ZNF420: variants seen among roughly 807,000 people sequenced by gnomAD.
ZNF420 encodes the protein zinc finger protein 420.
In ZNF420, 31 loss-of-function variants were observed where a neutral mutation model predicts 44.7. The ratio of observed to expected loss-of-function variants is 0.69; its 90% CI spans 0.52 to 0.94. ZNF420 has a LOEUF of 0.94. ZNF420 is among the 40% of genes least tolerant of loss of function. ZNF420 has a pLI of 0.00. For missense variants in ZNF420, 681 were observed against 827.9 expected (o/e 0.82, Z 2.18); for synonymous variants, 245 against 267.4 (o/e 0.92, Z 0.82).
At chr19:37,009,538 T>C (rs1347225056) in intron 1 of ZNF420, among the ~76,000 whole-genome samples, 2 of 152,190 alleles carry the variant, frequency 1.3e-5, no homozygotes, top group Non-Finnish European at 2.9e-5. Context: ...TTTGGTCACA[T>C]TGGCTCCACC....
chr19:37,088,705 T>C (rs1491002454), intron 2 of ZNF420, among the ~76,000 whole-genome samples: 4 of 152,238 alleles, frequency 2.6e-5, no homozygotes, highest in Non-Finnish European at 4.4e-5. Flanking sequence ...CATAAGCATT[T>C]AATTATTTGT....
chr19:37,095,663 A>G lies in ZNF420; in HGVS notation c.136+4542A>G, dbSNP rs1466544384. Among the ~76,000 whole-genome samples the G allele has an allele frequency of 2.6e-5, 4 of 151,902 alleles. No homozygotes were observed. In the East Asian group the frequency reaches 7.7e-4, roughly 29 times the overall value. ...GCCCAGGCTGTAGTGCAGTGGCGCA[A>G]TTTCGGCTCACTGCAACCTCCGCTT... On this transcript the variant is annotated intron_variant, in intron 4 of 4. Transcript: ENST00000337995.
chr19:37,038,777 A>C (rs537808749), intron 1 of ZNF420, among the ~76,000 whole-genome samples: 1 of 151,864 alleles, frequency 6.6e-6, no homozygotes, highest in Non-Finnish European at 1.5e-5. Flanking sequence ...ACATGGAGAA[A>C]CCCCGTCTCT....
intron 1 of ZNF420, among the ~76,000 whole-genome samples, chr19:37,014,998 C>T (rs373039465): frequency 1.2e-3 from 184 of 152,336 alleles, no homozygotes; most frequent in African/African-American, 4.3e-3. Flanking sequence ...GTCGTCCCCC[C>T]GGGATTTGGA....
chr19:37,065,308 AG>A (rs1213826821), intron 1 of ZNF420, among the ~76,000 whole-genome samples: 1 of 152,196 alleles, frequency 6.6e-6, no homozygotes, highest in Non-Finnish European at 1.5e-5. Context: ...AAAGGCCACA[AG>A]GGGTTTTAGA....
intron 1 of ZNF420, among the ~76,000 whole-genome samples, chr19:37,033,984 T>C (rs139854486): frequency 9.2e-4 from 140 of 152,294 alleles, no homozygotes; most frequent in African/African-American, 3.3e-3. Flanking sequence ...CTTGAACTCC[T>C]GACCTCGTGA....
intron 1 of ZNF420, among the ~76,000 whole-genome samples, chr19:37,027,624 C>G (rs1003599474): frequency 6.6e-6 from 1 of 152,170 alleles, no homozygotes; most frequent in Non-Finnish European, 1.5e-5. Flanking sequence ...TTTTATAATA[C>G]CATCTGCCTA....
At chr19:37,049,926 C>T (rs1223918062) in intron 1 of ZNF420, among the ~76,000 whole-genome samples, 1 of 152,188 alleles carries the variant, frequency 6.6e-6, no homozygotes, top group Non-Finnish European at 1.5e-5. Flanking sequence ...TTTCAGCTTT[C>T]TACATATGGC....
chr19:37,069,009 A>G (rs17206540), intron 1 of ZNF420, among the ~76,000 whole-genome samples: 77,501 of 149,764 alleles, frequency 0.52, 20,302 homozygotes, highest in African/African-American at 0.61. Flanking sequence ...GCGAGATATT[A>G]TACATAGTTC....
intron 1 of ZNF420, among the ~76,000 whole-genome samples, chr19:37,032,263 C>T (rs1967273007): frequency 6.6e-6 from 1 of 151,650 alleles, no homozygotes; most frequent in African/African-American, 2.4e-5. Flanking sequence ...CACTTGAAGG[C>T]AGAGGTTGCA....
chr19:37,057,710 G>A (rs1318611243), intron 1 of ZNF420, among the ~76,000 whole-genome samples: 3 of 151,962 alleles, frequency 2.0e-5, no homozygotes, highest in Non-Finnish European at 4.4e-5. Context: ...GAGATGCGTC[G>A]GTCCCGGAGC....
Position 37,130,212 on chromosome 19 carries a change from A to G in ZNF420, c.*1154A>G, listed in dbSNP as rs1255077617. ...GGGTGTTATGGATCATGGAGCAGAA[A>G]TACAGAAGGAGTCTGCAACCCTGAT... On this transcript the variant is annotated 3_prime_UTR_variant, in exon 5 of 5. Coordinates refer to ENST00000337995, the MANE Select transcript of ZNF420 (RefSeq NM_144689.5). 1 of 1,549,110 alleles carries G rather than the reference A, an allele frequency of 6.5e-7. No homozygotes were observed. The highest frequency in any genetic ancestry group is 8.7e-7 in the Non-Finnish European group (1 of 1,146,516).
chr19:37,066,654 A>C (rs2146448695), intron 1 of ZNF420, among the ~76,000 whole-genome samples: 1 of 152,348 alleles, frequency 6.6e-6, no homozygotes, highest in Non-Finnish European at 1.5e-5. Flanking sequence ...ATGTTGGCAA[A>C]GAGGTAGGGA....
chr19:37,033,421 A>T (rs1408490828), intron 1 of ZNF420, among the ~76,000 whole-genome samples: 1 of 152,198 alleles, frequency 6.6e-6, no homozygotes, highest in African/African-American at 2.4e-5. Flanking sequence ...TTCTATGAAT[A>T]TGACATGCTC....
chr19:37,058,776 C>T (rs1967806768), intron 1 of ZNF420, among the ~76,000 whole-genome samples: 1 of 152,176 alleles, frequency 6.6e-6, no homozygotes, highest in African/African-American at 2.4e-5. Flanking sequence ...GCACACTCAC[C>T]CAATCTGCTC....
intron 4 of ZNF420, among the ~76,000 whole-genome samples, chr19:37,115,620 A>G (rs547723366): frequency 3.3e-5 from 5 of 152,094 alleles, no homozygotes; most frequent in African/African-American, 9.6e-5. Context: ...TAAATAGAAC[A>G]TACAATTGGG....
At chr19:37,077,917 G>A (rs1442201258), upstream of ZNF420, among the ~76,000 whole-genome samples, 1 of 152,148 alleles carries the variant, frequency 6.6e-6, no homozygotes, top group Admixed American at 6.5e-5. Flanking sequence ...CCCCACAGCA[G>A]GAAGAATCAC....
intron 1 of ZNF420, among the ~76,000 whole-genome samples, chr19:37,027,489 C>T (rs369019563): frequency 1.2e-3 from 183 of 152,260 alleles, no homozygotes; most frequent in African/African-American, 4.3e-3. Flanking sequence ...TGGACTTTGA[C>T]AAATGCATGA....
chr19:37,021,876 G>A (rs965315079), intron 1 of ZNF420, among the ~76,000 whole-genome samples: 5 of 147,512 alleles, frequency 3.4e-5, no homozygotes, highest in African/African-American at 1.2e-4. Context: ...GGTGAAGGTT[G>A]TGGTGAGCCG....
Sources: allele counts gnomAD v4.1 joint callset (sites outside exome capture counted in the v4.1 genomes callset), GRCh38; gene constraint gnomAD v4.1.1; transcripts MANE v1.5; gene names NCBI Gene and HGNC (gene_info 2026-07-23, HGNC 2026-07-21).